STIM1: variants seen among roughly 807,000 people sequenced by gnomAD.
STIM1 encodes stromal interaction molecule 1.
A neutral mutation model predicts 74.7 loss-of-function variants in STIM1; 25 were observed. The observed-to-expected ratio is 0.33, with a 90% CI of 0.24 to 0.47. The LOEUF (loss-of-function observed/expected upper bound fraction) is 0.47. Among genes scored for constraint, STIM1 ranks in the 20% least tolerant of loss-of-function variants. The probability of loss-of-function intolerance (pLI) is 1.00; values close to 1 mark genes in which losing one functional copy is unlikely to be tolerated. For synonymous variants in STIM1, 328 were observed against 348.8 expected, an observed-to-expected ratio of 0.94 and a Z score of 0.66; for missense variants, 728 against 920.8, an observed-to-expected ratio of 0.79 and a Z score of 2.71.
intron 3 of STIM1, among the ~76,000 whole-genome samples, chr11:4,026,116 G>C (rs1304251026): frequency 1.3e-5 from 2 of 152,144 alleles, no homozygotes; most frequent in African/African-American, 4.8e-5. Context: ...TCTGGCACCG[G>C]CTCAAACTAG....
intron 1 of STIM1, among the ~76,000 whole-genome samples, chr11:3,928,834 C>T (rs529473891): frequency 6.6e-6 from 1 of 152,218 alleles, no homozygotes; most frequent in East Asian, 1.9e-4. Flanking sequence ...TATCTGCCAC[C>T]TAACAACTTT....
At chr11:3,910,818 TAA>T (rs1172492077) in intron 1 of STIM1, among the ~76,000 whole-genome samples, 21 of 126,468 alleles carry the variant, frequency 1.7e-4, no homozygotes, top group Admixed American at 2.4e-4. Flanking sequence ...CTGTCTCTAC[TAA>T]AAAAAAAAAA....
intron 1 of STIM1, 113 bp downstream of exon 1, chr11:3,856,522 A>C: frequency 7.7e-7 from 1 of 1,297,040 alleles, no homozygotes; most frequent in Non-Finnish European, 1.0e-6. Context: ...TGGAGGATTC[A>C]CACATGGCAC....
chr11:3,860,621 G>A (rs543370891), intron 1 of STIM1, among the ~76,000 whole-genome samples: 1 of 152,284 alleles, frequency 6.6e-6, no homozygotes, highest in South Asian at 2.1e-4. Context: ...ATGAAAAGCG[G>A]CTGCCTAATT....
At chr11:3,936,057 G>T (rs144905844) in intron 1 of STIM1, among the ~76,000 whole-genome samples, 2 of 152,030 alleles carry the variant, frequency 1.3e-5, no homozygotes, top group African/African-American at 2.4e-5. Flanking sequence ...TGCTCAGTTC[G>T]AGTTCTGACA....
chr11:3,980,270 T>C (rs2093489124), intron 2 of STIM1, among the ~76,000 whole-genome samples: 1 of 152,206 alleles, frequency 6.6e-6, no homozygotes, highest in South Asian at 2.1e-4. Context: ...AAACTATAAA[T>C]GAGTGGCTTA....
chr11:3,993,942 C>T lies in STIM1; in HGVS notation c.270+26260C>T, dbSNP rs527388555. Among the ~76,000 whole-genome samples, 16 of 152,304 alleles carry T rather than the reference C, an allele frequency of 1.1e-4. No homozygotes were observed. In the East Asian group the frequency reaches 2.7e-3, roughly 26 times the overall value. On this transcript the variant is annotated intron_variant, in intron 2 of 12. Coordinates refer to ENST00000526596, the MANE Select transcript of STIM1 (RefSeq NM_001382567.1). ...ATCTGTTTTGTTCACTGCTATGTCT[C>T]CAGTACCTAGAACAGTACCTGGCTC...
chr11:3,980,892 G>C (rs1169401268), intron 2 of STIM1, among the ~76,000 whole-genome samples: 1 of 152,058 alleles, frequency 6.6e-6, no homozygotes, highest in Non-Finnish European at 1.5e-5. Context: ...CCCCCTTCCA[G>C]TTTGACAACC....
At chr11:3,873,999 C>A (rs1281295980) in intron 1 of STIM1, among the ~76,000 whole-genome samples, 2 of 152,224 alleles carry the variant, frequency 1.3e-5, no homozygotes, top group Non-Finnish European at 2.9e-5. Flanking sequence ...GGACTCACTA[C>A]TTTCCTTGCA....
chr11:4,047,926 C>A (rs1029676677), intron 3 of STIM1, among the ~76,000 whole-genome samples: 22 of 150,912 alleles, frequency 1.5e-4, no homozygotes, highest in Admixed American at 1.2e-3. Context: ...TCGAGTGATT[C>A]TTCTGCCTCA....
chr11:3,886,053 A>G (rs2091693538), intron 1 of STIM1, among the ~76,000 whole-genome samples: 1 of 152,196 alleles, frequency 6.6e-6, no homozygotes, highest in African/African-American at 2.4e-5. Context: ...CCTGCCTTTG[A>G]TTAAGGATTG....
rs2094360410 is a variant in STIM1 at position 4,065,582 on chromosome 11, A to G, written c.614-4444A>G. 2.0e-5 allele frequency among the ~76,000 whole-genome samples: 3 copies of G among 152,084 alleles called. No individual in the cohort carries two copies. The South Asian group carries it at 6.2e-4, about 32-fold the overall frequency. On this transcript the variant is annotated intron_variant, in intron 5 of 12. Coordinates refer to ENST00000526596, the MANE Select transcript of STIM1 (RefSeq NM_001382567.1). ...GTCATCAGCACCCAGCTTAAGATCT[A>G]GCCAGAATTAAGTGCTGGGAGATGT...
chr11:3,965,464 A>G (rs2093330565), intron 1 of STIM1, among the ~76,000 whole-genome samples: 1 of 152,224 alleles, frequency 6.6e-6, no homozygotes, highest in Non-Finnish European at 1.5e-5. Context: ...AAGAACATTC[A>G]ATAAATGTTT....
At chr11:4,066,834 A>T (rs1252780407) in intron 5 of STIM1, among the ~76,000 whole-genome samples, 2 of 152,244 alleles carry the variant, frequency 1.3e-5, no homozygotes, top group East Asian at 3.8e-4. Flanking sequence ...GACAGTAGGA[A>T]TTGAAGAATG....
intron 2 of STIM1, among the ~76,000 whole-genome samples, chr11:3,997,235 C>T (rs1422155089): frequency 6.6e-6 from 1 of 152,132 alleles, no homozygotes; most frequent in Non-Finnish European, 1.5e-5. Context: ...CAGAGGGATT[C>T]TCTGTATCTA....
intron 2 of STIM1, among the ~76,000 whole-genome samples, chr11:4,016,477 G>T (rs928410851): frequency 1.3e-5 from 2 of 152,220 alleles, no homozygotes; most frequent in East Asian, 1.9e-4. Context: ...CTACTGGGAG[G>T]TGTCTCCCAG....
chr11:3,902,869 C>T (rs1234450495), intron 1 of STIM1, among the ~76,000 whole-genome samples: 2 of 152,036 alleles, frequency 1.3e-5, no homozygotes, highest in Non-Finnish European at 1.5e-5. Context: ...TGGATAGAGG[C>T]AAAGGATCAT....
rs368230181 is a variant in STIM1, at chr11:3,938,835, C to T, written c.140-28717C>T. Among the ~76,000 whole-genome samples the T allele has an allele frequency of 6.6e-5, 10 of 152,046 alleles. No individual in the cohort carries two copies. In the East Asian group the frequency reaches 1.3e-3, roughly 21 times the overall value. On this transcript the variant is annotated intron_variant, in intron 1 of 12. Transcript: ENST00000526596. ...GCGCTCCAGCCTGGGTGACAGGGCACGACTGTCCCAAAAAAAGACAGTTTA... is the reference window on the plus strand; with the variant it reads ...GCGCTCCAGCCTGGGTGACAGGGCATGACTGTCCCAAAAAAAGACAGTTTA...
chr11:3,875,273 T>C (rs1043645490), intron 1 of STIM1, among the ~76,000 whole-genome samples: 1 of 152,240 alleles, frequency 6.6e-6, no homozygotes, highest in Non-Finnish European at 1.5e-5. Context: ...AAGGCTTTCC[T>C]GGCAAAGGCA....
Sources: gnomAD v4.1 joint callset for allele counts (sites outside exome capture counted in the v4.1 genomes callset) on GRCh38, gnomAD v4.1.1 for gene constraint, MANE v1.5 for transcripts, NCBI Gene and HGNC (gene_info 2026-07-23, HGNC 2026-07-21) for gene names.